BAG6: variants seen among roughly 807,000 people sequenced by gnomAD.
BAG6 encodes the protein BAG cochaperone 6, also known as large proline-rich protein BAG6.
In BAG6, 22 loss-of-function variants were observed where a neutral mutation model predicts 121.0. The ratio of observed to expected loss-of-function variants is 0.18; its 90% confidence interval spans 0.13 to 0.26. The LOEUF (loss-of-function observed/expected upper bound fraction) is 0.26, where lower values mean the gene tolerates loss of function less well. Among genes scored for constraint, BAG6 ranks in the 10% least tolerant of loss-of-function variants. The pLI, the probability that BAG6 is intolerant of heterozygous loss-of-function variation, is 1.00. For missense variants in BAG6, 1,233 were observed against 1,537.7 expected (o/e 0.80, Z 3.31); for synonymous variants, 583 against 584.6 (o/e 1.00, Z 0.04).
At chr6:31,643,531 G>A (rs1433765741) in intron 14 of BAG6, among the ~76,000 whole-genome samples, 3 of 151,760 alleles carry the variant, frequency 2.0e-5, no homozygotes, top group Non-Finnish European at 4.4e-5. Context: ...AGACCATCCT[G>A]GCCAACATGG....
At chr6:31,651,963 G>C in intron 1 of BAG6, 187 bp from the exon 2 acceptor site, 1 of 544,148 alleles carries the variant, frequency 1.8e-6, no homozygotes, top group Non-Finnish European at 3.3e-6. Context: ...GCAGGAGATC[G>C]ACGGCTTAGG....
chr6:31,642,740 C>T (rs1157548966), intron 15 of BAG6, 89 bp downstream of exon 15: 1 of 1,473,590 alleles, frequency 6.8e-7, no homozygotes, highest in Non-Finnish European at 9.3e-7. Flanking sequence ...GGGGCTCTTA[C>T]CCAGTGGTTA....
intron 8 of BAG6, 120 bp downstream of exon 8, chr6:31,646,274 C>CG: frequency 7.0e-7 from 1 of 1,438,378 alleles, no homozygotes; most frequent in South Asian, 1.3e-5. Flanking sequence ...GCGTGAGCCA[C>CG]TGCACCTGGC....
In BAG6 at chr6:31,645,169, T is replaced by C; in HGVS notation, c.1146A>G (p.Thr382=). The part of the protein sequence containing the change: ...QINVGTTVTM[T]GNGTRPPPTP... ...TTGGGGGGGGCCGAGTCCCATTTCC[T>C]GTCATGGTCACAGTGGTTCCCACAT... Residue 382 remains threonine (T), a synonymous_variant, in exon 10 of 26, where the codon ACA becomes ACG. Transcript: ENST00000676615. The C allele has an allele frequency of 6.2e-7, 1 of 1,612,418 alleles. No homozygotes were observed.
Position 31,639,611 on chromosome 6 carries a change from TGA to T in BAG6, c.3280_3281del (p.Ser1094ArgfsTer8). ...CCTTAGCTGCCCGGCTCACAGCCTC[TGA>T]GAGAAGCAGCTGGGGGCCCTCACCC... is the stretch of plus-strand genomic sequence containing the variant. ...MQGEGPQLLL[S>X]EAVSRAAKAA... On this transcript the variant is annotated frameshift_variant, in exon 25 of 26. Transcript: ENST00000676615. LOFTEE classifies it high-confidence loss of function. 6.2e-7 allele frequency: 1 copy of T among 1,613,570 alleles called. No individual in the cohort carries two copies. The highest frequency in any genetic ancestry group is 8.5e-7 in the Non-Finnish European group (1 of 1,179,690).
chr6:31,648,181 A>G (rs866125764), intron 6 of BAG6, among the ~76,000 whole-genome samples: 32 of 151,804 alleles, frequency 2.1e-4, no homozygotes, highest in African/African-American at 6.8e-4. Flanking sequence ...ACACCCAACT[A>G]ATTTTTGTAC....
chr6:31,639,789 T>C, intron 24 of BAG6, 143 bp from the exon 25 acceptor site: 1 of 1,025,354 alleles, frequency 9.8e-7, no homozygotes, highest in East Asian at 2.7e-5. Context: ...CAGGATGTGG[T>C]TTTTACAGCA....
intron 8 of BAG6, 96 bp from the exon 9 acceptor site, chr6:31,645,700 C>T (rs890109086): frequency 9.0e-6 from 13 of 1,443,006 alleles, no homozygotes; most frequent in East Asian, 2.5e-5. Flanking sequence ...AATACCATGT[C>T]CTCCAAAACT....
chr6:31,646,766 G>GTTTTTTTT lies in BAG6; in HGVS notation c.789-251_789-244dup, dbSNP rs66820473. 3.5e-4 allele frequency among the ~76,000 whole-genome samples: 21 copies of GTTTTTTTT among 60,638 alleles called. 1 individual carries two copies. Among genetic ancestry groups the GTTTTTTTT allele is most frequent in the Admixed American group, 9.5e-4 (4 of 4,194 alleles). 39.8% of individuals were successfully genotyped at this position (60,638 alleles called of 152,430 possible). A position where few individuals can be genotyped will look rare whatever the true frequency, so the allele number is the denominator to read the frequency against. On this transcript the variant is annotated intron_variant, in intron 7 of 25. Transcript: ENST00000676615. ...CTGCCACCACACCCGGCTAATTTTT[G>GTTTTTTTT]TTTTTTTTTTTTTTTTTTTTTTTTT...
chr6:31,643,781 C>A, intron 14 of BAG6, 109 bp downstream of exon 14: 1 of 945,522 alleles, frequency 1.1e-6, no homozygotes, highest in Non-Finnish European at 1.6e-6. Context: ...CTACAGCAGC[C>A]CCATTCCAGG....
chr6:31,647,397 GAGC>G (rs1374512376), intron 7 of BAG6, among the ~76,000 whole-genome samples, 191 bp downstream of exon 7: 1 of 152,184 alleles, frequency 6.6e-6, no homozygotes, highest in Non-Finnish European at 1.5e-5. Flanking sequence ...GCCGTAGGGA[GAGC>G]AGCAGTTCTT....
chr6:31,644,982 C>G lies in BAG6; in HGVS notation c.1333G>C (p.Val445Leu). The G allele has an allele frequency of 6.2e-7, 1 of 1,603,376 alleles. No individual in the cohort carries two copies. The highest frequency in any genetic ancestry group is 8.5e-7 in the Non-Finnish European group (1 of 1,174,464). The change falls in exon 10 of 26, where the codon GTG becomes CTG. Residue 445 changes from valine to leucine, a missense_variant. By Grantham distance (32) the Val-to-Leu change is conservative. This residue lies in a region of BAG6 where 777 missense variants were observed against 861.4 expected (regional missense o/e 0.90). Coordinates refer to ENST00000676615, the MANE Select transcript of BAG6 (RefSeq NM_001387994.1). The surrounding 1 kb of genome is among the most constrained non-coding windows in gnomAD (Gnocchi z 4.9). The stretch of plus-strand genomic sequence containing the variant: ...ATGTGCATCATGACCACGGGTTCCA[C>G]ACTCTGGTGGGAAATCCGGATGACC... The part of the protein sequence containing the change: ...PRVIRISHQS[V>L]EPVVMMHMNI...
In BAG6 at chr6:31,640,203, C is replaced by G; in HGVS notation, c.3242G>C (p.Arg1081Pro). 1 of 1,614,132 alleles carries G rather than the reference C, an allele frequency of 6.2e-7. No homozygotes were observed. Among genetic ancestry groups the G allele is most frequent in the Non-Finnish European group, 8.5e-7 (1 of 1,180,000 alleles). Residue 1081 changes from arginine (R) to proline (P), a missense_variant, in exon 24 of 26, where the codon CGC becomes CCC. Arg to Pro is a moderately radical substitution (Grantham distance 103). Around this residue, in one of 7 missense-constraint regions of BAG6, gnomAD observed 288 missense variants for 483.1 expected, o/e 0.60. Coordinates refer to ENST00000676615, the MANE Select transcript of BAG6 (RefSeq NM_001387994.1). The surrounding 1 kb of genome is among the most constrained non-coding windows in gnomAD (Gnocchi z 4.2). Reference sequence around the variant, plus strand: ...TTAGGGAAGAGGAAAACCAACCTTGCGTCTCTTGGCAGGCATACCACTGAG... The same window carrying G: ...TTAGGGAAGAGGAAAACCAACCTTGGGTCTCTTGGCAGGCATACCACTGAG... ...AYLSGMPAKR[R>P]KTMQGEGPQL...
rs772856837 is a variant in BAG6 at position 31,648,975 on chromosome 6, G to C, written c.424-11C>G. 6.6e-6 allele frequency: 10 copies of C among 1,525,398 alleles called. No individual in the cohort carries two copies. The highest frequency in any genetic ancestry group is 8.8e-6 in the Non-Finnish European group (10 of 1,140,492). The allele number at this position is 1,525,398 out of a possible 1,614,324, so 94.5% of individuals were successfully genotyped here. ...AGCAGAGCCGTCACTCTGGGGAAAGGGTAAGGGAAGTTGTTCTGGGAGAAG... is the reference window on the plus strand; with the variant it reads ...AGCAGAGCCGTCACTCTGGGGAAAGCGTAAGGGAAGTTGTTCTGGGAGAAG... On this transcript the variant is annotated splice_polypyrimidine_tract_variant and intron_variant, in intron 4 of 25. Transcript: ENST00000676615.
chr6:31,651,614 G>A (rs1380479645), intron 2 of BAG6, 42 bp downstream of exon 2: 2 of 1,564,286 alleles, frequency 1.3e-6, no homozygotes, highest in African/African-American at 1.4e-5. Flanking sequence ...CCTAAACGAG[G>A]AAAAGCTAAA....
rs145840472 is a variant in BAG6 at position 31,639,598 on chromosome 6, G to A, written c.3295C>T (p.Arg1099Trp). 1.4e-5 allele frequency: 23 copies of A among 1,613,858 alleles called. No individual in the cohort carries two copies. Among genetic ancestry groups the A allele is most frequent in the African/African-American group, 5.3e-5 (4 of 74,914 alleles). ...PQLLLSEAVSRAAKAAGARPL... is the reference protein window; with the variant it reads ...PQLLLSEAVSWAAKAAGARPL... ...CGAGCTCCGGCTGCCTTAGCTGCCC[G>A]GCTCACAGCCTCTGAGAGAAGCAGC... The change falls in exon 25 of 26, where the codon CGG (arginine) becomes TGG (tryptophan). Residue 1099 changes from arginine to tryptophan, a missense_variant. By Grantham distance (101) the Arg-to-Trp change is moderately radical (BLOSUM62 -3). Coordinates refer to ENST00000676615, the MANE Select transcript of BAG6 (RefSeq NM_001387994.1).
In BAG6 at chr6:31,639,053, C is replaced by T. The variant is rs997554053; in HGVS notation, c.*78G>A. The T allele has an allele frequency of 2.4e-5, 30 of 1,264,220 alleles. No individual in the cohort carries two copies. The highest frequency in any genetic ancestry group is 9.7e-5 in the Admixed American group (4 of 41,364). 78.3% of individuals were successfully genotyped at this position (1,264,220 alleles called of 1,614,324 possible). On this transcript the variant is annotated 3_prime_UTR_variant, in exon 26 of 26. Coordinates refer to ENST00000676615, the MANE Select transcript of BAG6 (RefSeq NM_001387994.1). ...TAGAGAGAAAGCAGCCAGAAAAATC[C>T]GACTTTTATTTCTTAAATACTGTGA...
intron 24 of BAG6, chr6:31,639,908 G>A (rs1244644721): frequency 1.6e-6 from 1 of 617,584 alleles, no homozygotes; most frequent in Non-Finnish European, 2.8e-6. Context: ...GGGATTCAGA[G>A]CTAGGTAATC....
At chr6:31,646,599 G>A (rs1327822364) in intron 7 of BAG6, 76 bp from the exon 8 acceptor site, 1 of 1,558,056 alleles carries the variant, frequency 6.4e-7, no homozygotes, top group Non-Finnish European at 8.7e-7. Flanking sequence ...GGGACCACAT[G>A]TGCCCTCTTT....
Sources: allele counts gnomAD v4.1 joint callset (sites outside exome capture counted in the v4.1 genomes callset), GRCh38; gene constraint gnomAD v4.1.1; regional missense constraint gnomAD v4.1.1; non-coding constraint Gnocchi (gnomAD v3.1); transcripts MANE v1.5; gene names NCBI Gene and HGNC (gene_info 2026-07-23, HGNC 2026-07-21).